The following SMARCA4 variants were observed in gnomAD, a reference collection of about 807,000 sequenced individuals.
SMARCA4 encodes SWI/SNF related BAF chromatin remodeling complex subunit ATPase 4.
SMARCA4 carries 31 observed loss-of-function variants against 193.9 expected under a neutral mutation model. The observed-to-expected ratio is 0.16, with a 90% CI of 0.12 to 0.22. The LOEUF is 0.22. Ranked by LOEUF, SMARCA4 falls within the 10% of genes least tolerant of loss-of-function variation. The pLI, the probability that SMARCA4 is intolerant of heterozygous loss-of-function variation, is 1.00. For synonymous variants in SMARCA4, 942 were observed against 933.1 expected, an observed-to-expected ratio of 1.01 and a Z score of -0.17; for missense variants, 1,148 against 2,296.0, an observed-to-expected ratio of 0.50 and a Z score of 10.22.
At chr19:11,049,743 T>C (rs1054139367) in intron 30 of SMARCA4, among the ~76,000 whole-genome samples, 6 of 152,156 alleles carry the variant, frequency 3.9e-5, no homozygotes, top group African/African-American at 1.2e-4. Context: ...AGCAGCCTGC[T>C]AAAGACCACC....
chr19:11,035,310 T>A (rs1334598870), intron 29 of SMARCA4, among the ~76,000 whole-genome samples, 178 bp downstream of exon 29: 3 of 152,224 alleles, frequency 2.0e-5, no homozygotes, highest in African/African-American at 7.2e-5. Context: ...GGTCAGGTCC[T>A]TTTGGCTCTG....
At chr19:10,971,388 G>A (rs2145523033) in intron 1 of SMARCA4, among the ~76,000 whole-genome samples, 1 of 152,198 alleles carries the variant, frequency 6.6e-6, no homozygotes, top group East Asian at 1.9e-4. Flanking sequence ...TCATCACTGA[G>A]GTGTCCCAGG....
chr19:10,978,553 C>T (rs541750282), intron 1 of SMARCA4, among the ~76,000 whole-genome samples: 6 of 151,746 alleles, frequency 4.0e-5, no homozygotes, highest in South Asian at 2.1e-4. Context: ...AGGCTGGTCT[C>T]GAACTCCTGA....
chr19:11,027,910 T>C lies in SMARCA4; in HGVS notation c.3342T>C (p.Asp1114=), dbSNP rs780550070. 8.7e-6 allele frequency: 14 copies of C among 1,614,178 alleles called. No individual in the cohort carries two copies. The highest frequency in any genetic ancestry group is 1.2e-5 in the Non-Finnish European group (14 of 1,180,034). Reference sequence around the variant, plus strand: ...CCTCCCTCATGACCATCATGGAAGATTACTTTGCGTATCGCGGCTTTAAAT... The same window carrying C: ...CCTCCCTCATGACCATCATGGAAGACTACTTTGCGTATCGCGGCTTTAAAT... ...QMTSLMTIME[D]YFAYRGFKYL... is the part of the protein sequence containing the mutation. The change falls in exon 24 of 35, where the codon GAT becomes GAC. Residue 1114 remains aspartate (D), a synonymous_variant. Transcript: ENST00000344626.
At position 11,030,104 on chromosome 19, in the gene SMARCA4, C is replaced by T. The variant is rs1231598583; in HGVS notation, c.3383-626C>T. Among the ~76,000 whole-genome samples the T allele has an allele frequency of 6.6e-6, 1 of 152,226 alleles. No homozygotes were observed. The highest frequency in any genetic ancestry group is 1.5e-5 in the Non-Finnish European group (1 of 68,044). ...ACGCTGAGGGCATCGTGGGTTGTCA[C>T]CCAGGAGACCTGCTCTGGCTCCTTG... On this transcript the variant is annotated intron_variant, in intron 24 of 34. Coordinates refer to ENST00000344626, the MANE Select transcript of SMARCA4 (RefSeq NM_003072.5). The surrounding 1 kb of genome is among the most constrained non-coding windows in gnomAD (Gnocchi z 5.5).
In SMARCA4 at chr19:10,996,606, G is replaced by C. The variant is rs112670505; in HGVS notation, c.1812+62G>C. Reference sequence around the variant, plus strand: ...AGCCCTAAGGCGTTGGTCTGTTTCAGACTTTAAAACCTGTGTTCTTTTAAA... The same window carrying C: ...AGCCCTAAGGCGTTGGTCTGTTTCACACTTTAAAACCTGTGTTCTTTTAAA... On this transcript the variant is annotated intron_variant, in intron 11 of 34. Transcript: ENST00000344626. The C allele has an allele frequency of 8.3e-4, 1,219 of 1,461,136 alleles. 9 individuals are homozygous for C. The highest frequency in any genetic ancestry group is 5.9e-3 in the Middle Eastern group (34 of 5,766). The allele number at this position is 1,461,136 out of a possible 1,614,324, so 90.5% of individuals were successfully genotyped here.
chr19:11,003,191 G>A (rs531903005), intron 12 of SMARCA4, 32 bp downstream of exon 12: 2 of 1,613,744 alleles, frequency 1.2e-6, no homozygotes, highest in African/African-American at 1.3e-5. Context: ...AGATGCAGTG[G>A]GGATCCAAGT....
chr19:11,034,080 C>T lies in SMARCA4; in HGVS notation c.3874-43C>T, dbSNP rs1330168072. The T allele has an allele frequency of 5.9e-6, 9 of 1,528,986 alleles. No individual in the cohort carries two copies. Among genetic ancestry groups the T allele is most frequent in the Non-Finnish European group, 8.2e-6 (9 of 1,103,732 alleles). 94.7% of individuals were successfully genotyped at this position (1,528,986 alleles called of 1,614,324 possible). The stretch of plus-strand genomic sequence containing the variant: ...GCCTCTGAGCTCGGCCGCCGCCCAC[C>T]CCGGCCCCTCCTCAGCGGCACTGAC... On this transcript the variant is annotated intron_variant, in intron 27 of 34. Transcript: ENST00000344626. This position sits in a 1 kb window ranked among gnomAD's most constrained non-coding sequence, Gnocchi z 7.0.
chr19:11,028,612 A>G (rs2090425279), intron 24 of SMARCA4, among the ~76,000 whole-genome samples: 1 of 152,234 alleles, frequency 6.6e-6, no homozygotes, highest in Admixed American at 6.5e-5. Flanking sequence ...GCTGCCGTAG[A>G]GAGGCTCTCA....
intron 34 of SMARCA4, 170 bp downstream of exon 34, chr19:11,060,357 G>A: frequency 1.2e-6 from 1 of 827,268 alleles, no homozygotes; most frequent in Non-Finnish European, 2.0e-6. Context: ...GTATGTGGCA[G>A]GGCTGCCACT....
intron 13 of SMARCA4, among the ~76,000 whole-genome samples, chr19:11,005,137 C>G (rs1429614934): frequency 6.6e-6 from 1 of 152,112 alleles, no homozygotes; most frequent in Admixed American, 6.6e-5. Context: ...CGCCTGGCCT[C>G]TCCTATTTTT....
intron 29 of SMARCA4, among the ~76,000 whole-genome samples, chr19:11,036,938 TGCTG>T (rs1158721382): frequency 6.6e-6 from 1 of 152,192 alleles, no homozygotes; most frequent in Non-Finnish European, 1.5e-5. Context: ...CAATGTAACA[TGCTG>T]ACCCATGATG....
intron 1 of SMARCA4, among the ~76,000 whole-genome samples, chr19:10,973,008 C>A (rs904892453): frequency 6.6e-6 from 1 of 151,970 alleles, no homozygotes; most frequent in Admixed American, 6.6e-5. Flanking sequence ...ACTTGGGAGG[C>A]CGGGGCAGGA....
rs2087040326 is a variant in SMARCA4 at position 10,996,362 on chromosome 19, G to A, written c.1743G>A (p.Lys581=). 1 of 1,614,200 alleles carries A rather than the reference G, an allele frequency of 6.2e-7. No homozygotes were observed. Among genetic ancestry groups the A allele is most frequent in the Non-Finnish European group, 8.5e-7 (1 of 1,180,028 alleles). ...CTGCCCAGGTCGCCAAGGAGAAAAAGAAGAAAAAGAAAAAGAAGGTGTGCT... is the reference window on the plus strand; with the variant it reads ...CTGCCCAGGTCGCCAAGGAGAAAAAAAAGAAAAAGAAAAAGAAGGTGTGCT... The part of the protein sequence containing the change: ...HKAAQVAKEK[K]KKKKKKKAEN... The change falls in exon 10 of 35, where the codon AAG becomes AAA. Residue 581 remains lysine (K), a synonymous_variant. Coordinates refer to ENST00000344626, the MANE Select transcript of SMARCA4 (RefSeq NM_003072.5).
intron 13 of SMARCA4, 36 bp from the exon 14 acceptor site, chr19:11,007,866 G>T (rs758257039): frequency 1.9e-6 from 3 of 1,612,162 alleles, no homozygotes; most frequent in African/African-American, 1.3e-5. Context: ...CTCTCTGGGG[G>T]ATGAACTGAG....
chr19:11,024,268 G>C, intron 20 of SMARCA4, 63 bp from the exon 21 acceptor site: 1 of 1,147,900 alleles, frequency 8.7e-7, no homozygotes, highest in East Asian at 2.3e-5. Flanking sequence ...AGCTGGGTTC[G>C]GATGGGGGGA....
chr19:11,019,439 C>T lies in SMARCA4; in HGVS notation c.2506-152C>T. 1 of 656,742 alleles carries T rather than the reference C, an allele frequency of 1.5e-6. No individual in the cohort carries two copies. The highest frequency in any genetic ancestry group is 2.8e-6 in the Non-Finnish European group (1 of 361,154). The allele number at this position is 656,742 out of a possible 1,614,324, so 40.7% of individuals were successfully genotyped here. ...CTGCGTGGTGAGGTCTGGGGACGCG[C>T]CAGCGGCCCTGCCAGCCCCTTTCCC... is the stretch of plus-strand genomic sequence containing the variant. On this transcript the variant is annotated intron_variant, in intron 17 of 34. Transcript: ENST00000344626. The surrounding 1 kb of genome is among the most constrained non-coding windows in gnomAD (Gnocchi z 6.1).
At chr19:10,988,931 TCC>T (rs1310676958) in intron 6 of SMARCA4, among the ~76,000 whole-genome samples, 1 of 152,188 alleles carries the variant, frequency 6.6e-6, no homozygotes, top group African/African-American at 2.4e-5. Flanking sequence ...CTAGGGTCAC[TCC>T]GAGGGGTTGC....
chr19:11,053,635 C>T (rs369379134), intron 30 of SMARCA4, among the ~76,000 whole-genome samples: 55 of 152,186 alleles, frequency 3.6e-4, no homozygotes, highest in African/African-American at 6.7e-4. Context: ...CTGAGCTGAG[C>T]GCAGTGACTC....
Sources: gnomAD v4.1 joint callset for allele counts (sites outside exome capture counted in the v4.1 genomes callset) on GRCh38, gnomAD v4.1.1 for gene constraint, Gnocchi (gnomAD v3.1) non-coding constraint, MANE v1.5 for transcripts, NCBI Gene and HGNC (gene_info 2026-07-23, HGNC 2026-07-21) for gene names.